CHCHD6: variants seen among roughly 807,000 people sequenced by gnomAD.
CHCHD6 encodes MICOS complex subunit MIC25.
In CHCHD6, 28 loss-of-function variants were observed where a neutral mutation model predicts 32.3. The observed-to-expected ratio is 0.87, with a 90% CI of 0.64 to 1.19. CHCHD6 has a LOEUF of 1.19. Ranked by LOEUF, CHCHD6 falls within the 50% of genes most tolerant of loss-of-function variation. CHCHD6 has a pLI of 0.00. For missense variants in CHCHD6, 333 were observed against 307.0 expected (o/e 1.08, Z -0.63); for synonymous variants, 122 against 117.5 (o/e 1.04, Z -0.25).
chr3:126,878,364 A>G (rs2077566466), intron 5 of CHCHD6, among the ~76,000 whole-genome samples: 3 of 152,236 alleles, frequency 2.0e-5, no homozygotes. Context: ...GGAAATTGAC[A>G]GGGTGAGCCT....
intron 6 of CHCHD6, among the ~76,000 whole-genome samples, chr3:126,948,366 T>C (rs1199463694): frequency 6.6e-6 from 1 of 152,200 alleles, no homozygotes; most frequent in Non-Finnish European, 1.5e-5. Flanking sequence ...TCCTTGGCAT[T>C]CCGGGACACA....
rs751006103 is a variant in CHCHD6 at position 126,733,197 on chromosome 3, A to G, written c.386A>G (p.His129Arg). ...CCCACGGGCGAAGGCAGCATCAGCC[A>G]TGAGGAGCAGAAGTCAGTCCGGCTG... ...SLPTGEGSIS[H>R]EEQKSVRLAR... Residue 129 changes from histidine to arginine, a missense_variant, in exon 4 of 8, where the codon CAT (histidine) becomes CGT (arginine). Transcript: ENST00000290913. 4 of 1,614,124 alleles carry G rather than the reference A, an allele frequency of 2.5e-6. No individual in the cohort carries two copies. The highest frequency in any genetic ancestry group is 1.1e-5 in the South Asian group (1 of 91,056).
intron 4 of CHCHD6, among the ~76,000 whole-genome samples, chr3:126,852,317 G>A (rs1941502274): frequency 6.6e-6 from 1 of 152,162 alleles, no homozygotes; most frequent in Admixed American, 6.5e-5. Context: ...CTTCTCATCT[G>A]TAGCAGGGGA....
intron 2 of CHCHD6, among the ~76,000 whole-genome samples, chr3:126,728,385 T>C (rs761272736): frequency 6.6e-6 from 1 of 152,216 alleles, no homozygotes; most frequent in African/African-American, 2.4e-5. Flanking sequence ...ATGGGCAGAT[T>C]GCAGGAGCGG....
chr3:126,746,439 G>A (rs1025203116), intron 4 of CHCHD6, among the ~76,000 whole-genome samples: 1 of 152,082 alleles, frequency 6.6e-6, no homozygotes, highest in South Asian at 2.1e-4. Flanking sequence ...AGGCCTGGCA[G>A]CCCTGCCTTG....
At chr3:126,958,142 C>T (rs1171624194) in intron 7 of CHCHD6, among the ~76,000 whole-genome samples, 2 of 151,762 alleles carry the variant, frequency 1.3e-5, no homozygotes, top group Non-Finnish European at 2.9e-5. Context: ...TCCCAGCCAG[C>T]TCCTACTGCC....
At chr3:126,716,762 G>A (rs751819681) in intron 1 of CHCHD6, among the ~76,000 whole-genome samples, 2 of 151,710 alleles carry the variant, frequency 1.3e-5, no homozygotes, top group African/African-American at 2.4e-5. Context: ...GGTCATAAGT[G>A]CTGCAAAGAA....
intron 4 of CHCHD6, among the ~76,000 whole-genome samples, chr3:126,792,721 ATTG>A (rs1173283424): frequency 3.9e-5 from 6 of 152,212 alleles, no homozygotes; most frequent in Admixed American, 3.9e-4. Context: ...ACTAATGTTT[ATTG>A]TTATGTGAAG....
chr3:126,771,209 C>CTTT (rs58996472), intron 4 of CHCHD6, among the ~76,000 whole-genome samples: 2 of 138,874 alleles, frequency 1.4e-5, no homozygotes, highest in Admixed American at 7.2e-5. Context: ...TTTTCCTTTT[C>CTTT]TTTTTTTTTT....
chr3:126,928,900 T>A (rs1006109240), intron 6 of CHCHD6, among the ~76,000 whole-genome samples: 5 of 152,204 alleles, frequency 3.3e-5, no homozygotes, highest in African/African-American at 1.2e-4. Context: ...GTGGTCACCC[T>A]GGGAACTCTA....
intron 5 of CHCHD6, among the ~76,000 whole-genome samples, chr3:126,909,537 G>A (rs911154538): frequency 2.0e-5 from 3 of 152,222 alleles, no homozygotes; most frequent in African/African-American, 7.2e-5. Context: ...AAGAAACACT[G>A]TGACTTTGGA....
intron 4 of CHCHD6, among the ~76,000 whole-genome samples, chr3:126,840,586 T>G (rs1941033100): frequency 6.6e-6 from 1 of 152,190 alleles, no homozygotes; most frequent in South Asian, 2.1e-4. Flanking sequence ...CATCTCAAAG[T>G]TATATTTGTC....
At chr3:126,824,915 C>A (rs1940323830) in intron 4 of CHCHD6, among the ~76,000 whole-genome samples, 1 of 152,068 alleles carries the variant, frequency 6.6e-6, no homozygotes, top group Non-Finnish European at 1.5e-5. Flanking sequence ...CACTTATTTT[C>A]TATGTCATTG....
intron 2 of CHCHD6, among the ~76,000 whole-genome samples, chr3:126,728,711 T>C (rs1024818138): frequency 3.3e-5 from 5 of 152,212 alleles, no homozygotes; most frequent in Admixed American, 1.3e-4. Context: ...TGCCATAATA[T>C]ATAATACTAC....
chr3:126,800,649 C>A (rs954462929), intron 4 of CHCHD6, among the ~76,000 whole-genome samples: 4 of 152,188 alleles, frequency 2.6e-5, no homozygotes, highest in Admixed American at 1.3e-4. Context: ...GGTTTATCCT[C>A]CAGGTTATCC....
At chr3:126,813,637 C>T (rs993776744) in intron 4 of CHCHD6, among the ~76,000 whole-genome samples, 8 of 152,260 alleles carry the variant, frequency 5.3e-5, no homozygotes, top group South Asian at 2.1e-4. Flanking sequence ...AGGCTTTGCA[C>T]GGGTACCCAG....
At chr3:126,916,737 G>T (rs180812083) in intron 6 of CHCHD6, among the ~76,000 whole-genome samples, 1 of 152,332 alleles carries the variant, frequency 6.6e-6, no homozygotes, top group Non-Finnish European at 1.5e-5. Context: ...AGAAATACTT[G>T]GAATCACAGA....
chr3:126,741,183 G>A (rs1299671182), intron 4 of CHCHD6, among the ~76,000 whole-genome samples: 2 of 152,190 alleles, frequency 1.3e-5, no homozygotes, highest in African/African-American at 4.8e-5. Context: ...CCATCACTGT[G>A]GTTCCTTCGT....
chr3:126,899,402 A>G (rs1221871014), intron 5 of CHCHD6, among the ~76,000 whole-genome samples: 2 of 152,228 alleles, frequency 1.3e-5, no homozygotes, highest in Admixed American at 6.5e-5. Context: ...GACATTTGCG[A>G]TATTAGGCTG....
Sources: gnomAD v4.1 joint callset for allele counts (sites outside exome capture counted in the v4.1 genomes callset) on GRCh38, gnomAD v4.1.1 for gene constraint, MANE v1.5 for transcripts, NCBI Gene and HGNC (gene_info 2026-07-23, HGNC 2026-07-21) for gene names.